LARGE1: variants seen among roughly 807,000 people sequenced by gnomAD.
The protein encoded by LARGE1 is LARGE xylosyl- and glucuronyltransferase 1.
A neutral mutation model predicts 87.6 loss-of-function variants in LARGE1; 43 were observed. The ratio of observed to expected loss-of-function variants is 0.49; its 90% CI spans 0.38 to 0.63. LARGE1 has a LOEUF of 0.63. LARGE1 is among the 30% of genes least tolerant of loss of function. LARGE1 has a pLI of 0.00. For missense variants in LARGE1, 802 were observed against 1,000.2 expected, an observed-to-expected ratio of 0.80 and a Z score of 2.67; for synonymous variants, 434 against 394.6, an observed-to-expected ratio of 1.10 and a Z score of -1.18.
At chr22:33,234,790 C>T (rs907539268) in intron 11 of LARGE1, among the ~76,000 whole-genome samples, 6 of 152,156 alleles carry the variant, frequency 3.9e-5, no homozygotes, top group African/African-American at 1.2e-4. Flanking sequence ...ATCTGCCTGC[C>T]TTGGCCTCCC....
intron 1 of LARGE1, among the ~76,000 whole-genome samples, chr22:33,789,205 C>T (rs1053106815): frequency 1.3e-5 from 2 of 152,206 alleles, no homozygotes; most frequent in Non-Finnish European, 2.9e-5. Flanking sequence ...TAAAAGGAGC[C>T]AACATAGAGC....
the LARGE1 span, among the ~76,000 whole-genome samples, chr22:33,128,565 C>T: frequency 6.6e-6 from 1 of 151,808 alleles, no homozygotes; most frequent in African/African-American, 2.4e-5. Context: ...ATCCCAGCTA[C>T]TCAAGAGGCT....
intron 9 of LARGE1, among the ~76,000 whole-genome samples, chr22:33,359,745 T>C (rs2064314984): frequency 6.7e-6 from 1 of 148,590 alleles, no homozygotes; most frequent in South Asian, 2.3e-4. Flanking sequence ...TTTGTATTTT[T>C]AGTAGAGATG....
intron 1 of LARGE1, among the ~76,000 whole-genome samples, chr22:33,909,834 G>C (rs866076515): frequency 1.1e-4 from 16 of 151,994 alleles, no homozygotes; most frequent in Non-Finnish European, 1.9e-4. Context: ...CACCACGCCC[G>C]GCCTAACTCA....
chr22:33,704,590 C>A (rs561551852), intron 2 of LARGE1, among the ~76,000 whole-genome samples: 7 of 152,316 alleles, frequency 4.6e-5, no homozygotes, highest in African/African-American at 1.7e-4. Flanking sequence ...CGACACTCAT[C>A]AGTGAGGCCT....
intron 11 of LARGE1, among the ~76,000 whole-genome samples, chr22:33,169,405 G>A (rs374910316): frequency 6.6e-6 from 1 of 152,042 alleles, no homozygotes; most frequent in Non-Finnish European, 1.5e-5. Flanking sequence ...AAAGAAGGGA[G>A]CCAAATTAAC....
chr22:33,441,186 GTC>G (rs1189376062), intron 6 of LARGE1, among the ~76,000 whole-genome samples: 4 of 146,696 alleles, frequency 2.7e-5, no homozygotes, highest in Non-Finnish European at 5.9e-5. Context: ...CGATTCTCCT[GTC>G]TCAGCCTCCC....
At chr22:33,696,352 T>A (rs2082251160) in intron 2 of LARGE1, among the ~76,000 whole-genome samples, 1 of 150,060 alleles carries the variant, frequency 6.7e-6, no homozygotes, top group South Asian at 2.1e-4. Flanking sequence ...AACCTCTGCC[T>A]CCTGGTTTCA....
At chr22:33,297,405 C>G (rs12159368) in intron 12 of LARGE1, among the ~76,000 whole-genome samples, 1 of 151,268 alleles carries the variant, frequency 6.6e-6, no homozygotes, top group Non-Finnish European at 1.5e-5. Context: ...GGTCAGGAGT[C>G]TGAGACCAGC....
At chr22:33,269,618 C>A (rs954886334), downstream of LARGE1, among the ~76,000 whole-genome samples, 2 of 152,166 alleles carry the variant, frequency 1.3e-5, no homozygotes. Context: ...ATTGTCCTGG[C>A]CTCATTGATC....
intron 2 of LARGE1, among the ~76,000 whole-genome samples, chr22:33,687,620 G>A (rs1345153325): frequency 3.9e-5 from 6 of 152,098 alleles, no homozygotes; most frequent in Non-Finnish European, 1.5e-5. Context: ...CAGAAGTTCT[G>A]CCAGGCTGAC....
intron 1 of LARGE1, among the ~76,000 whole-genome samples, chr22:33,793,583 GCTT>G (rs1166397339): frequency 6.6e-6 from 1 of 152,196 alleles, no homozygotes; most frequent in Admixed American, 6.5e-5. Flanking sequence ...GAGGAATATT[GCTT>G]CTTTTCTCAG....
intron 1 of LARGE1, among the ~76,000 whole-genome samples, chr22:33,813,896 G>A (rs2086574279): frequency 1.3e-5 from 2 of 152,176 alleles, no homozygotes; most frequent in Admixed American, 1.3e-4. Context: ...AACATGCAAG[G>A]AGGGAAACAA....
At chr22:33,353,308 GAA>G (rs1215322653) in intron 9 of LARGE1, among the ~76,000 whole-genome samples, 6 of 152,144 alleles carry the variant, frequency 3.9e-5, no homozygotes, top group Non-Finnish European at 5.9e-5. Flanking sequence ...TGAACTCTGT[GAA>G]AAGAGGTTAG....
chr22:33,642,189 T>C (rs1354647818), intron 3 of LARGE1, among the ~76,000 whole-genome samples: 1 of 152,194 alleles, frequency 6.6e-6, no homozygotes, highest in African/African-American at 2.4e-5. Context: ...ATCAATATGC[T>C]GAAACCCTAC....
chr22:33,553,697 T>C (rs2077594912), intron 6 of LARGE1, among the ~76,000 whole-genome samples: 1 of 152,106 alleles, frequency 6.6e-6, no homozygotes, highest in Non-Finnish European at 1.5e-5. Flanking sequence ...AACAGAGGTT[T>C]AGAGTTGAGC....
At chr22:33,364,838 A>G (rs541763543) in intron 9 of LARGE1, among the ~76,000 whole-genome samples, 1 of 152,190 alleles carries the variant, frequency 6.6e-6, no homozygotes, top group East Asian at 1.9e-4. Context: ...CTGAGACTAC[A>G]GGCACATGCC....
intron 7 of LARGE1, among the ~76,000 whole-genome samples, chr22:33,389,906 A>G (rs964561312): frequency 6.6e-6 from 1 of 151,986 alleles, no homozygotes; most frequent in Non-Finnish European, 1.5e-5. Flanking sequence ...AAAAAAAACC[A>G]AGCTAAAATG....
In LARGE1 at chr22:33,658,345, T is replaced by C. The variant is rs553679772; in HGVS notation, c.107-7677A>G. On this transcript the variant is annotated intron_variant, in intron 2 of 14. Coordinates refer to ENST00000397394, the MANE Select transcript of LARGE1 (RefSeq NM_133642.5). Reference sequence around the variant, plus strand: ...CAGGACATGCAGGTTTGTTACATGGTAAACATGTGCCACAGTGGTTTGCTG... The same window carrying C: ...CAGGACATGCAGGTTTGTTACATGGCAAACATGTGCCACAGTGGTTTGCTG... Among the ~76,000 whole-genome samples the C allele has an allele frequency of 8.2e-4, 125 of 152,312 alleles. 1 individual carries two copies. In the Middle Eastern group the frequency reaches 0.014, roughly 17 times the overall value.
Sources: gnomAD v4.1 joint callset for allele counts (sites outside exome capture counted in the v4.1 genomes callset) on GRCh38, gnomAD v4.1.1 for gene constraint, MANE v1.5 for transcripts, NCBI Gene and HGNC (gene_info 2026-07-23, HGNC 2026-07-21) for gene names.